Variants in POGZ observed in about 807,000 individuals in gnomAD.
POGZ encodes pogo transposable element derived with ZNF domain, also known as pogo transposable element with ZNF domain.
A neutral mutation model predicts 134.6 loss-of-function variants in POGZ; 17 were observed. That is an observed-to-expected ratio of 0.13 (90% CI 0.09 to 0.19). The LOEUF (loss-of-function observed/expected upper bound fraction) is 0.19. POGZ is among the 10% of genes least tolerant of loss of function. POGZ has a pLI of 1.00. For missense variants in POGZ, 1,306 were observed against 1,769.7 expected (o/e 0.74, Z 4.70); for synonymous variants, 693 against 657.1 (o/e 1.05, Z -0.84).
rs187627966 is a variant in POGZ, at chr1:151,418,394, T to A, written c.1678+5003A>T. On this transcript the variant is annotated intron_variant, in intron 10 of 18. Transcript: ENST00000271715. ...TGTGGGAGCTAAAAAAAAAAGTAGA[T>A]CTCATGGAGAGAGAGTAGAATGGTG... 2.6e-3 allele frequency among the ~76,000 whole-genome samples: 400 copies of A among 151,682 alleles called. 3 individuals carry two copies. The highest frequency in any genetic ancestry group is 9.2e-3 in the African/African-American group (380 of 41,322).
At chr1:151,455,792 T>C (rs1001878214) in intron 1 of POGZ, among the ~76,000 whole-genome samples, 15 of 152,272 alleles carry the variant, frequency 9.9e-5, no homozygotes, top group South Asian at 6.2e-4. Flanking sequence ...TTTGGTTAAG[T>C]ATATAATGAA....
chr1:151,452,726 T>C (rs1254267126), intron 1 of POGZ, among the ~76,000 whole-genome samples: 1 of 151,808 alleles, frequency 6.6e-6, no homozygotes, highest in Non-Finnish European at 1.5e-5. Flanking sequence ...TAGCCATGCG[T>C]GGTGGCTGGT....
chr1:151,438,278 T>C (rs1423007318), intron 3 of POGZ, among the ~76,000 whole-genome samples: 2 of 152,118 alleles, frequency 1.3e-5, no homozygotes, highest in Admixed American at 1.3e-4. Flanking sequence ...ATGTATTTTT[T>C]ATATAGATAT....
In POGZ at chr1:151,429,787, C is replaced by CA. The variant is rs148549749; in HGVS notation, c.460-77dup. The CA allele has an allele frequency of 8.4e-3, 5,959 of 712,772 alleles. 233 individuals are homozygous for CA. The African/African-American group carries it at 0.093, about 11-fold the overall frequency. The allele number at this position is 712,772 out of a possible 1,614,324, so 44.2% of individuals were successfully genotyped here. A position where few individuals can be genotyped will look rare whatever the true frequency, so the allele number is the denominator to read the frequency against. On this transcript the variant is annotated intron_variant, in intron 4 of 18. Coordinates refer to ENST00000271715, the MANE Select transcript of POGZ (RefSeq NM_015100.4). ...CAAAGATTGCAGTATGACCTACATC[C>CA]AAAAAAAAATTCCCATACTCTTACT...
In POGZ at chr1:151,458,684, GCGCCCC is replaced by G. The variant is rs951528120; in HGVS notation, c.-2+462_-2+467del. Among the ~76,000 whole-genome samples, 129 of 141,642 alleles carry G rather than the reference GCGCCCC, an allele frequency of 9.1e-4. 1 individual carries two copies. In the South Asian group the frequency reaches 0.027, roughly 29 times the overall value. The allele number at this position is 141,642 out of a possible 152,430, so 92.9% of individuals were successfully genotyped here. A position where few individuals can be genotyped will look rare whatever the true frequency, so the allele number is the denominator to read the frequency against. On this transcript the variant is annotated intron_variant, in intron 1 of 18. Coordinates refer to ENST00000271715, the MANE Select transcript of POGZ (RefSeq NM_015100.4). ...GCGCCCCGCCGTCTCGCCACCGCCC[GCGCCCC>G]CGCCCCCGCCCCTTCCCCAGCGGGC...
At chr1:151,424,507 T>A (rs921782381) in intron 8 of POGZ, 9 of 418,022 alleles carry the variant, frequency 2.2e-5, no homozygotes, top group African/African-American at 1.8e-4. Flanking sequence ...CTCCTGCCTG[T>A]CTTAGGTCCC....
intron 8 of POGZ, 97 bp downstream of exon 8, chr1:151,424,858 C>T: frequency 1.5e-6 from 1 of 672,894 alleles, no homozygotes; most frequent in Non-Finnish European, 2.7e-6. Flanking sequence ...CTTTAAAAAG[C>T]TTCAGTCATT....
In POGZ at chr1:151,404,647, A is replaced by G; in HGVS notation, c.*155T>C. On this transcript the variant is annotated 3_prime_UTR_variant, in exon 19 of 19. Transcript: ENST00000271715. ...TTTCCTAATTAATCCACAAATCCAC[A>G]GGGAAGTGTAAGTCAACTTCAGGGG... The G allele has an allele frequency of 7.2e-7, 1 of 1,384,836 alleles. No individual in the cohort carries two copies. The allele number at this position is 1,384,836 out of a possible 1,614,324, so 85.8% of individuals were successfully genotyped here. A position where few individuals can be genotyped will look rare whatever the true frequency, so the allele number is the denominator to read the frequency against.
intron 1 of POGZ, among the ~76,000 whole-genome samples, chr1:151,458,347 C>T (rs952669924): frequency 2.6e-5 from 4 of 152,062 alleles, no homozygotes; most frequent in Admixed American, 6.5e-5. Context: ...ATAAAGATTC[C>T]CCGCCTCATT....
intron 1 of POGZ, among the ~76,000 whole-genome samples, chr1:151,449,296 T>C (rs1278733210): frequency 6.6e-6 from 1 of 152,206 alleles, no homozygotes; most frequent in Non-Finnish European, 1.5e-5. Context: ...TGACAGTGAA[T>C]TTTATCAGAG....
At chr1:151,447,648 T>A (rs867901664) in intron 1 of POGZ, among the ~76,000 whole-genome samples, 5 of 139,960 alleles carry the variant, frequency 3.6e-5, no homozygotes, top group African/African-American at 1.3e-4. Context: ...GCTAATTTTT[T>A]TTTTTTTTTT....
At chr1:151,422,525 A>G (rs1557898487) in intron 10 of POGZ, among the ~76,000 whole-genome samples, 1 of 152,196 alleles carries the variant, frequency 6.6e-6, no homozygotes, top group Non-Finnish European at 1.5e-5. Context: ...TACAGTGTAG[A>G]AAAACATTCC....
chr1:151,423,937 T>G lies in POGZ; in HGVS notation c.1523+12A>C. 1 of 1,602,356 alleles carries G rather than the reference T, an allele frequency of 6.2e-7. No homozygotes were observed. Among genetic ancestry groups the G allele is most frequent in the African/African-American group, 1.3e-5 (1 of 74,760 alleles). ...TTGTTCAAGGTAACTTCCAAGGCTC[T>G]TAAACACTTACCGAATATTGTTTTT... is the stretch of plus-strand genomic sequence containing the variant. On this transcript the variant is annotated intron_variant, in intron 9 of 18. Coordinates refer to ENST00000271715, the MANE Select transcript of POGZ (RefSeq NM_015100.4).
chr1:151,438,557 C>G (rs1660008893), intron 3 of POGZ, among the ~76,000 whole-genome samples: 1 of 152,104 alleles, frequency 6.6e-6, no homozygotes, highest in Admixed American at 6.6e-5. Flanking sequence ...GTCAAGGAGA[C>G]TAGGTCATCT....
chr1:151,440,158 G>A (rs1469768649), intron 3 of POGZ, among the ~76,000 whole-genome samples: 2 of 150,902 alleles, frequency 1.3e-5, no homozygotes, highest in Non-Finnish European at 2.9e-5. Flanking sequence ...TTCAGGTGGT[G>A]GGATTATGGT....
At position 151,405,267 on chromosome 1, in the gene POGZ, G is replaced by C; in HGVS notation, c.3768C>G (p.Gly1256=). 2 of 1,614,222 alleles carry C rather than the reference G, an allele frequency of 1.2e-6. No homozygotes were observed. Among genetic ancestry groups the C allele is most frequent in the Non-Finnish European group, 8.5e-7 (1 of 1,180,032 alleles). ...SSTLPAVVPA[G]CSSKIQPLDV... ...CTAATGGCTGAATTTTGGAGCTACA[G>C]CCTGCTGGGACCACTGCAGGCAAAG... Residue 1256 remains glycine (G), a synonymous_variant, in exon 19 of 19, where the codon GGC becomes GGG. Transcript: ENST00000271715. This position sits in a 1 kb window ranked among gnomAD's most constrained non-coding sequence, Gnocchi z 4.9.
Position 151,406,145 on chromosome 1 carries a change from TACCACCACC to T in POGZ, c.2881_2889del (p.Gly961_Gly963del), listed in dbSNP as rs1557866667. On this transcript the variant is annotated inframe_deletion, in exon 19 of 19. Transcript: ENST00000271715. ...TGCTCCTTTTTGCCAACTCCACCAC[TACCACCACC>T]ACCTGATGCTAGCTCAGGTTCTTGG... 6.2e-7 allele frequency: 1 copy of T among 1,614,186 alleles called. No homozygotes were observed. The highest frequency in any genetic ancestry group is 1.1e-5 in the South Asian group (1 of 91,084).
intron 10 of POGZ, among the ~76,000 whole-genome samples, chr1:151,413,301 G>A (rs1655008366): frequency 6.6e-6 from 1 of 151,502 alleles, no homozygotes. Context: ...ATTTTTTTTT[G>A]TAGGGACAGG....
At chr1:151,413,046 T>TA (rs1307618626) in intron 10 of POGZ, among the ~76,000 whole-genome samples, 5 of 151,760 alleles carry the variant, frequency 3.3e-5, no homozygotes, top group Admixed American at 1.3e-4. Flanking sequence ...TCAGGTGATC[T>TA]ACCTGTCCCA....
Sources: allele counts gnomAD v4.1 joint callset (sites outside exome capture counted in the v4.1 genomes callset), GRCh38; gene constraint gnomAD v4.1.1; non-coding constraint Gnocchi (gnomAD v3.1); transcripts MANE v1.5; gene names NCBI Gene and HGNC (gene_info 2026-07-23, HGNC 2026-07-21).